Variants in GOPC observed in about 807,000 individuals in gnomAD.
GOPC encodes Golgi-associated PDZ and coiled-coil motif-containing protein.
In GOPC, 32 loss-of-function variants were observed where a neutral mutation model predicts 51.2. That is an observed-to-expected ratio of 0.63 (90% CI 0.47 to 0.84). The LOEUF (loss-of-function observed/expected upper bound fraction) is 0.84. GOPC is among the 40% of genes least tolerant of loss of function. GOPC has a pLI of 0.00. For missense variants in GOPC, 441 were observed against 555.5 expected (o/e 0.79, Z 2.07); for synonymous variants, 190 against 205.1 (o/e 0.93, Z 0.63).
At chr6:117,573,274 T>A (rs1779833147) in intron 5 of GOPC, among the ~76,000 whole-genome samples, 193 bp downstream of exon 5, 1 of 152,354 alleles carries the variant, frequency 6.6e-6, no homozygotes, top group African/African-American at 2.4e-5. Context: ...CTCAGGGCAT[T>A]AGTAAGTCTG....
chr6:117,580,438 C>T (rs538332148), intron 1 of GOPC, among the ~76,000 whole-genome samples: 4 of 151,972 alleles, frequency 2.6e-5, no homozygotes, highest in Non-Finnish European at 4.4e-5. Flanking sequence ...ATGTTATTAT[C>T]GAGGAGACTA....
rs1779863218 is a variant in GOPC, at chr6:117,575,219, G to A, written c.608C>T (p.Ala203Val). 1.9e-6 allele frequency: 3 copies of A among 1,610,650 alleles called. No individual in the cohort carries two copies. Among genetic ancestry groups the A allele is most frequent in the South Asian group, 1.1e-5 (1 of 89,812 alleles). Residue 203 changes from alanine to valine, a missense_variant, in exon 4 of 9, where the codon GCG becomes GTG. By Grantham distance (64) the Ala-to-Val change is moderately conservative (BLOSUM62 0). Around this residue, in one of 3 missense-constraint regions of GOPC, gnomAD observed 166 missense variants for 267.0 expected, o/e 0.62. Transcript: ENST00000368498. ...IAVLQAEVYG[A>V]RLAAKYLDKE... ...ATCCAAGTACTTGGCAGCTAGTCTCGCCCCATATACTTCAGCCTGGAGAAC... is the reference window on the plus strand; with the variant it reads ...ATCCAAGTACTTGGCAGCTAGTCTCACCCCATATACTTCAGCCTGGAGAAC...
chr6:117,600,804 T>C (rs956705333), intron 1 of GOPC, among the ~76,000 whole-genome samples: 1 of 152,198 alleles, frequency 6.6e-6, no homozygotes, highest in South Asian at 2.1e-4. Flanking sequence ...TAAGAAGTGA[T>C]TACCTTCATA....
chr6:117,570,165 G>A (rs999121448), intron 6 of GOPC, among the ~76,000 whole-genome samples: 7 of 151,674 alleles, frequency 4.6e-5, no homozygotes, highest in Non-Finnish European at 8.8e-5. Context: ...TCATTGTTGC[G>A]TGTGTGTAGG....
chr6:117,582,355 T>A (rs1165546192), intron 1 of GOPC, among the ~76,000 whole-genome samples: 1 of 150,908 alleles, frequency 6.6e-6, no homozygotes, highest in Middle Eastern at 3.2e-3. Context: ...GATGGGGGTG[T>A]GTCCTCGGCA....
Position 117,560,361 on chromosome 6 carries a change from A to G in GOPC, c.*2893T>C, listed in dbSNP as rs1342320083. The G allele has an allele frequency of 1.7e-5, 3 of 181,762 alleles. No individual in the cohort carries two copies. The highest frequency in any genetic ancestry group is 7.1e-5 in the African/African-American group (3 of 42,478). The allele number at this position is 181,762 out of a possible 1,614,324, so 11.3% of individuals were successfully genotyped here. On this transcript the variant is annotated 3_prime_UTR_variant, in exon 9 of 9. Coordinates refer to ENST00000368498, the MANE Select transcript of GOPC (RefSeq NM_020399.4). ...GCCATCTTTATTTACAGGCTAATAA[A>G]AAAATATTAAACTCAACTAGATATA...
intron 1 of GOPC, among the ~76,000 whole-genome samples, chr6:117,586,100 G>A (rs2114620794): frequency 1.3e-5 from 2 of 152,244 alleles, no homozygotes; most frequent in Admixed American, 1.3e-4. Flanking sequence ...GTTTTAAAAT[G>A]TTAATTTAGG....
intron 8 of GOPC, among the ~76,000 whole-genome samples, chr6:117,565,030 T>C (rs1418365918): frequency 6.6e-6 from 1 of 152,182 alleles, no homozygotes; most frequent in African/African-American, 2.4e-5. Context: ...ATGTGGATTA[T>C]AGCTACTGAT....
chr6:117,580,494 T>C (rs975087153), intron 1 of GOPC, among the ~76,000 whole-genome samples: 9 of 152,176 alleles, frequency 5.9e-5, no homozygotes, highest in Non-Finnish European at 8.8e-5. Context: ...TATGACCCGA[T>C]AGGAGAAATG....
intron 3 of GOPC, among the ~76,000 whole-genome samples, chr6:117,576,675 C>T (rs1170098810): frequency 2.0e-5 from 3 of 152,008 alleles, no homozygotes; most frequent in South Asian, 4.1e-4. Context: ...ATTCAAATCC[C>T]TAATGAATCT....
intron 1 of GOPC, among the ~76,000 whole-genome samples, chr6:117,596,336 C>G (rs1419325267): frequency 4.6e-5 from 7 of 152,154 alleles, no homozygotes; most frequent in Non-Finnish European, 8.8e-5. Flanking sequence ...TTCTCCCACT[C>G]TGTGGGTTGT....
In GOPC at chr6:117,561,421, G is replaced by A; in HGVS notation, c.*1833C>T. The A allele has an allele frequency of 4.5e-6, 1 of 223,818 alleles. No individual in the cohort carries two copies. Among genetic ancestry groups the A allele is most frequent in the Non-Finnish European group, 8.9e-6 (1 of 112,044 alleles). 13.9% of individuals were successfully genotyped at this position (223,818 alleles called of 1,614,324 possible). On this transcript the variant is annotated 3_prime_UTR_variant, in exon 9 of 9. Coordinates refer to ENST00000368498, the MANE Select transcript of GOPC (RefSeq NM_020399.4). ...CCCAGGCTGTGTTTTAAGAAGATAA[G>A]AATAACATGGTTTCATGTCACAGCA...
chr6:117,575,510 A>G lies in GOPC; in HGVS notation c.475-158T>C, dbSNP rs542035225. On this transcript the variant is annotated intron_variant, in intron 3 of 8. Transcript: ENST00000368498. ...GATGTAGTTCTTTTGAACTAGTACC[A>G]TAACATCTTGGAACTACTTCTAGAT... The G allele has an allele frequency of 1.2e-4, 91 of 772,094 alleles. 1 individual carries two copies. The South Asian group carries it at 1.2e-3, about 10-fold the overall frequency. The allele number at this position is 772,094 out of a possible 1,614,324, so 47.8% of individuals were successfully genotyped here.
chr6:117,580,923 G>A (rs957586684), intron 1 of GOPC, among the ~76,000 whole-genome samples: 4 of 152,146 alleles, frequency 2.6e-5, no homozygotes, highest in African/African-American at 9.7e-5. Flanking sequence ...CAGTGGATGT[G>A]CAATGGAAGA....
At chr6:117,594,144 C>T (rs1780158171) in intron 1 of GOPC, among the ~76,000 whole-genome samples, 1 of 152,184 alleles carries the variant, frequency 6.6e-6, no homozygotes. Context: ...GAAATAGTCC[C>T]TCTCTGTCTG....
intron 1 of GOPC, among the ~76,000 whole-genome samples, chr6:117,591,480 A>G (rs374909810): frequency 2.6e-5 from 4 of 152,254 alleles, no homozygotes; most frequent in African/African-American, 4.8e-5. Context: ...AAAAGTACAA[A>G]TAAGTTCAAG....
rs776281960 is a variant in GOPC at position 117,602,157 on chromosome 6, A to G, written c.132T>C (p.Ala44=). The part of the protein sequence containing the change: ...LEVLEKEFDK[A]FVDVDLLLGE... ...CCAGGAGCAGATCCACATCCACAAA[A>G]GCTTTGTCGAACTCCTTCTCCAGCA... The change falls in exon 1 of 9, where the codon GCT becomes GCC. Residue 44 remains alanine, a synonymous_variant. Transcript: ENST00000368498. 5.1e-5 allele frequency: 83 copies of G among 1,613,868 alleles called. No individual in the cohort carries two copies. Among genetic ancestry groups the G allele is most frequent in the Middle Eastern group, 1.6e-4 (1 of 6,084 alleles).
At chr6:117,578,697 A>T (rs1176384790) in intron 2 of GOPC, among the ~76,000 whole-genome samples, 1 of 152,122 alleles carries the variant, frequency 6.6e-6, no homozygotes, top group Non-Finnish European at 1.5e-5. Context: ...GAAAAATTCT[A>T]TCAGTTGATT....
intron 1 of GOPC, among the ~76,000 whole-genome samples, chr6:117,583,009 C>T (rs1779982497): frequency 6.6e-6 from 1 of 152,036 alleles, no homozygotes. Context: ...CCCTCTGGAG[C>T]CTTGGGATCG....
Sources: allele counts gnomAD v4.1 joint callset (sites outside exome capture counted in the v4.1 genomes callset), GRCh38; gene constraint gnomAD v4.1.1; regional missense constraint gnomAD v4.1.1; transcripts MANE v1.5; gene names NCBI Gene and HGNC (gene_info 2026-07-23, HGNC 2026-07-21).